The following GPC5 variants were observed in gnomAD, a reference collection of about 807,000 sequenced individuals.
GPC5 encodes the protein glypican-5.
A neutral mutation model predicts 53.9 loss-of-function variants in GPC5; 47 were observed. The ratio of observed to expected loss-of-function variants is 0.87; its 90% CI spans 0.69 to 1.11. The LOEUF is 1.11. Among genes scored for constraint, GPC5 ranks in the 50% most tolerant of loss-of-function variants. The probability of loss-of-function intolerance (pLI) is 0.00; values close to 1 mark genes in which losing one functional copy is unlikely to be tolerated. For missense variants in GPC5, 748 were observed against 713.1 expected (o/e 1.05, Z -0.56); for synonymous variants, 286 against 263.3 (o/e 1.09, Z -0.84).
chr13:92,404,224 T>C (rs965631921), intron 7 of GPC5, among the ~76,000 whole-genome samples: 1 of 152,204 alleles, frequency 6.6e-6, no homozygotes, highest in African/African-American at 2.4e-5. Context: ...TTTTTGCCTT[T>C]TGATTTTTAC....
chr13:91,995,996 T>C (rs138720662), intron 6 of GPC5: 3 of 152,330 alleles, frequency 2.0e-5, no homozygotes, highest in African/African-American at 7.2e-5. Context: ...GATGGAATTA[T>C]GGGCAGTTCC....
intron 7 of GPC5, among the ~76,000 whole-genome samples, chr13:92,676,060 T>C (rs1227408875): frequency 6.6e-6 from 1 of 152,178 alleles, no homozygotes; most frequent in Non-Finnish European, 1.5e-5. Flanking sequence ...CAGATATTTT[T>C]TGCCATGAAT....
intron 7 of GPC5, among the ~76,000 whole-genome samples, chr13:92,259,778 G>A (rs752124150): frequency 1.1e-4 from 16 of 152,026 alleles, no homozygotes; most frequent in Non-Finnish European, 2.1e-4. Context: ...CCTTGACTTG[G>A]GCAAAGCATT....
In GPC5 at chr13:92,078,111, C is replaced by A. The variant is rs60885006; in HGVS notation, c.1402-66719C>A. ...AAGTATGAGAGAGACAAGTGAGATACCAAATTATAATTAGCTAAAGACCAT... is the reference window on the plus strand; with the variant it reads ...AAGTATGAGAGAGACAAGTGAGATAACAAATTATAATTAGCTAAAGACCAT... On this transcript the variant is annotated intron_variant, in intron 6 of 7. Coordinates refer to ENST00000377067, the MANE Select transcript of GPC5 (RefSeq NM_004466.6). Among the ~76,000 whole-genome samples the A allele has an allele frequency of 1.8e-3, 269 of 152,054 alleles. 2 individuals carry two copies. The East Asian group carries it at 0.04, about 23-fold the overall frequency.
rs142388389 is a variant in GPC5, at chr13:92,234,812, C to T, written c.1561+89823C>T. ...AGGTGGAAGAGGAGGGGTCAAACAGCTCTTTCTATATCCACTGTCTCTCAA... is the reference window on the plus strand; with the variant it reads ...AGGTGGAAGAGGAGGGGTCAAACAGTTCTTTCTATATCCACTGTCTCTCAA... On this transcript the variant is annotated intron_variant, in intron 7 of 7. Coordinates refer to ENST00000377067, the MANE Select transcript of GPC5 (RefSeq NM_004466.6). Among the ~76,000 whole-genome samples, 4 of 152,242 alleles carry T rather than the reference C, an allele frequency of 2.6e-5. No individual in the cohort carries two copies. The East Asian group carries it at 5.8e-4, about 22-fold the overall frequency.
intron 1 of GPC5, among the ~76,000 whole-genome samples, chr13:91,425,309 A>T: frequency 6.6e-6 from 1 of 152,130 alleles, no homozygotes; most frequent in East Asian, 1.9e-4. Context: ...TTCATAATTT[A>T]CCTATTTCCT....
chr13:91,942,082 C>A (rs554356505), intron 6 of GPC5, among the ~76,000 whole-genome samples: 1 of 152,076 alleles, frequency 6.6e-6, no homozygotes, highest in Non-Finnish European at 1.5e-5. Context: ...ATCTAACTTC[C>A]TAGCAAATTT....
At chr13:91,590,900 G>C (rs1419906862) in intron 2 of GPC5, among the ~76,000 whole-genome samples, 1 of 152,128 alleles carries the variant, frequency 6.6e-6, no homozygotes, top group Non-Finnish European at 1.5e-5. Flanking sequence ...AGAACTAAGG[G>C]CTATAATTGT....
intron 7 of GPC5, among the ~76,000 whole-genome samples, chr13:92,363,346 A>G (rs932982152): frequency 6.6e-6 from 1 of 151,604 alleles, no homozygotes; most frequent in Admixed American, 6.6e-5. Context: ...CATTTTTGGC[A>G]CCAGGGACCG....
At chr13:92,289,336 A>G (rs991206118) in intron 7 of GPC5, among the ~76,000 whole-genome samples, 2 of 151,992 alleles carry the variant, frequency 1.3e-5, no homozygotes, top group Non-Finnish European at 2.9e-5. Context: ...TTTCTATAAT[A>G]ATGATAATTC....
intron 2 of GPC5, among the ~76,000 whole-genome samples, chr13:91,475,537 G>A (rs534599475): frequency 1.3e-5 from 2 of 152,264 alleles, no homozygotes; most frequent in Admixed American, 1.3e-4. Flanking sequence ...TTGTTCATGC[G>A]TCTGCACATC....
intron 2 of GPC5, among the ~76,000 whole-genome samples, chr13:91,681,153 G>C (rs1028688261): frequency 2.6e-5 from 4 of 152,154 alleles, no homozygotes; most frequent in Non-Finnish European, 5.9e-5. Flanking sequence ...ATGTAAATGT[G>C]AGAGCAATCG....
At chr13:91,706,192 A>AT (rs565745298) in intron 3 of GPC5, among the ~76,000 whole-genome samples, 4,555 of 144,170 alleles carry the variant, frequency 0.032, 189 homozygotes, top group African/African-American at 0.1. Context: ...GCTACATGTA[A>AT]TTTTTTTTTT....
chr13:92,800,085 A>C (rs1876842838), intron 7 of GPC5, among the ~76,000 whole-genome samples: 1 of 151,852 alleles, frequency 6.6e-6, no homozygotes, highest in African/African-American at 2.4e-5. Flanking sequence ...TAAATATCTC[A>C]AAACAATTTA....
chr13:91,445,865 A>G (rs1880768075), intron 1 of GPC5, among the ~76,000 whole-genome samples: 1 of 152,142 alleles, frequency 6.6e-6, no homozygotes, highest in Non-Finnish European at 1.5e-5. Flanking sequence ...AAGTGGAACC[A>G]TGGTTAAATG....
At chr13:91,920,586 A>G (rs977127610) in intron 6 of GPC5, among the ~76,000 whole-genome samples, 3 of 152,232 alleles carry the variant, frequency 2.0e-5, no homozygotes, top group Admixed American at 1.3e-4. Context: ...ACACACAGAC[A>G]TGCATAAACA....
intron 7 of GPC5, among the ~76,000 whole-genome samples, chr13:92,692,508 C>G (rs930407822): frequency 7.7e-6 from 1 of 130,168 alleles, no homozygotes. Flanking sequence ...GGAAGGGGAA[C>G]ATCACACTCT....
chr13:91,717,592 T>C (rs2036366780), intron 3 of GPC5, among the ~76,000 whole-genome samples: 1 of 151,926 alleles, frequency 6.6e-6, no homozygotes, highest in East Asian at 1.9e-4. Flanking sequence ...GTTTCACTCT[T>C]GTCATCCAGG....
intron 7 of GPC5, among the ~76,000 whole-genome samples, chr13:92,153,446 C>A (rs2041921367): frequency 6.6e-6 from 1 of 152,134 alleles, no homozygotes; most frequent in South Asian, 2.1e-4. Context: ...CCTTCATTTC[C>A]TTTTACCAAA....
Sources: gnomAD v4.1 joint callset for allele counts (sites outside exome capture counted in the v4.1 genomes callset) on GRCh38, gnomAD v4.1.1 for gene constraint, MANE v1.5 for transcripts, NCBI Gene and HGNC (gene_info 2026-07-23, HGNC 2026-07-21) for gene names.